SCAPER: variants seen among roughly 807,000 people sequenced by gnomAD.
SCAPER encodes the protein S phase cyclin A-associated protein in the endoplasmic reticulum.
Under a neutral mutation model 182.2 loss-of-function variants are expected in SCAPER, and 98 were observed. The ratio of observed to expected loss-of-function variants is 0.54; its 90% CI spans 0.46 to 0.64. The LOEUF (loss-of-function observed/expected upper bound fraction) is 0.64, where lower values mean the gene tolerates loss of function less well. SCAPER is among the 30% of genes least tolerant of loss of function. SCAPER has a pLI of 0.00. For missense variants in SCAPER, 1,432 were observed against 1,690.0 expected, an observed-to-expected ratio of 0.85 and a Z score of 2.68; for synonymous variants, 605 against 564.6, an observed-to-expected ratio of 1.07 and a Z score of -1.01.
intron 29 of SCAPER, among the ~76,000 whole-genome samples, chr15:76,365,886 C>T (rs1213951821): frequency 3.9e-5 from 6 of 152,140 alleles, no homozygotes; most frequent in Non-Finnish European, 7.4e-5. Flanking sequence ...CAATCGTGCA[C>T]TTATGCATCC....
At chr15:76,661,204 A>G (rs1431691057) in intron 21 of SCAPER, among the ~76,000 whole-genome samples, 2 of 152,106 alleles carry the variant, frequency 1.3e-5, no homozygotes, top group Non-Finnish European at 1.5e-5. Flanking sequence ...TGTAAAACCC[A>G]AAACTCAAAA....
intron 24 of SCAPER, among the ~76,000 whole-genome samples, chr15:76,474,602 G>C (rs550905340): frequency 6.6e-6 from 1 of 152,224 alleles, no homozygotes; most frequent in African/African-American, 2.4e-5. Context: ...AACTTTGTAT[G>C]CCTGTCATGA....
intron 8 of SCAPER, among the ~76,000 whole-genome samples, chr15:76,781,333 T>C (rs937959865): frequency 5.3e-5 from 8 of 151,714 alleles, no homozygotes; most frequent in Admixed American, 4.6e-4. Context: ...AAGACAAGAT[T>C]AGAGAAAAAA....
Position 76,604,918 on chromosome 15 carries a change from G to C in SCAPER, c.2711+16846C>G, listed in dbSNP as rs559659597. Among the ~76,000 whole-genome samples, 499 of 152,100 alleles carry C rather than the reference G, an allele frequency of 3.3e-3. 5 individuals are homozygous for C. Among genetic ancestry groups the C allele is most frequent in the African/African-American group, 0.011 (468 of 41,524 alleles). On this transcript the variant is annotated intron_variant, in intron 22 of 31. Coordinates refer to ENST00000563290, the MANE Select transcript of SCAPER (RefSeq NM_020843.4). ...CTGAAGTTGCTTATCAGCTTAAGGA[G>C]ATTTTGGGCTGAGACGATGGGGTTT...
intron 1 of SCAPER, among the ~76,000 whole-genome samples, chr15:76,891,289 T>G (rs1368020213): frequency 6.6e-6 from 1 of 152,170 alleles, no homozygotes; most frequent in African/African-American, 2.4e-5. Flanking sequence ...TCACCACTCC[T>G]ATTCAACACA....
chr15:76,748,365 T>C (rs1321056850), intron 15 of SCAPER, among the ~76,000 whole-genome samples: 1 of 152,102 alleles, frequency 6.6e-6, no homozygotes, highest in Non-Finnish European at 1.5e-5. Context: ...TAACTCAAAA[T>C]GTCTTTACAA....
intron 26 of SCAPER, among the ~76,000 whole-genome samples, chr15:76,414,417 A>G (rs1018866422): frequency 2.0e-5 from 3 of 152,114 alleles, no homozygotes; most frequent in African/African-American, 7.2e-5. Flanking sequence ...TGATCATGTC[A>G]AACTGCTGAA....
intron 5 of SCAPER, among the ~76,000 whole-genome samples, chr15:76,834,832 C>T (rs1223752696): frequency 6.6e-6 from 1 of 152,030 alleles, no homozygotes; most frequent in African/African-American, 2.4e-5. Context: ...AAACATACAA[C>T]CTGCCAAGAC....
At chr15:76,849,894 C>T (rs944815944) in intron 4 of SCAPER, among the ~76,000 whole-genome samples, 1 of 152,300 alleles carries the variant, frequency 6.6e-6, no homozygotes, top group Middle Eastern at 3.4e-3. Context: ...GAGAAACAGG[C>T]ACCTTCTTCA....
chr15:76,453,052 T>C (rs1308353891), intron 25 of SCAPER, among the ~76,000 whole-genome samples: 1 of 152,164 alleles, frequency 6.6e-6, no homozygotes, highest in Non-Finnish European at 1.5e-5. Flanking sequence ...CAGGCTGGTT[T>C]CAAACTGCTG....
chr15:76,524,689 G>GTTTGTTTTTTTTTTTTTTTTTT (rs2043058673), intron 23 of SCAPER, among the ~76,000 whole-genome samples: 5 of 50,112 alleles, frequency 1.0e-4, no homozygotes, highest in Non-Finnish European at 1.4e-4. Flanking sequence ...TTTTTGTTCT[G>GTTTGTTTTTTTTTTTTTTTTTT]TTTTTTTTTT....
At chr15:76,408,874 T>A (rs1316334735) in intron 26 of SCAPER, among the ~76,000 whole-genome samples, 2 of 152,118 alleles carry the variant, frequency 1.3e-5, no homozygotes, top group Non-Finnish European at 2.9e-5. Flanking sequence ...GAAAATGGCT[T>A]AGCTAGGTTT....
intron 21 of SCAPER, among the ~76,000 whole-genome samples, chr15:76,649,332 G>T (rs1057269798): frequency 2.6e-5 from 4 of 151,878 alleles, no homozygotes; most frequent in African/African-American, 9.7e-5. Flanking sequence ...CAGGAGGCTG[G>T]GATGGGAGGA....
intron 17 of SCAPER, among the ~76,000 whole-genome samples, chr15:76,708,071 C>T (rs954576999): frequency 6.6e-6 from 1 of 152,018 alleles, no homozygotes; most frequent in Non-Finnish European, 1.5e-5. Flanking sequence ...GGACACCCCC[C>T]CACCATACCA....
In SCAPER at chr15:76,607,237, A is replaced by G. The variant is rs556145219; in HGVS notation, c.2711+14527T>C. 3.1e-3 allele frequency among the ~76,000 whole-genome samples: 470 copies of G among 151,828 alleles called. 4 individuals carry two copies. Among genetic ancestry groups the G allele is most frequent in the African/African-American group, 0.011 (449 of 41,414 alleles). On this transcript the variant is annotated intron_variant, in intron 22 of 31. Coordinates refer to ENST00000563290, the MANE Select transcript of SCAPER (RefSeq NM_020843.4). The stretch of plus-strand genomic sequence containing the variant: ...GTGGTGACAAAATCTCTCAGCATTT[A>G]CTTGTCTGTAAAGTATTTTATTTCT...
intron 22 of SCAPER, among the ~76,000 whole-genome samples, chr15:76,584,910 A>T (rs1409135426): frequency 6.6e-6 from 1 of 152,206 alleles, no homozygotes; most frequent in Non-Finnish European, 1.5e-5. Flanking sequence ...ATACAATTTC[A>T]TCTAAAAATT....
At chr15:76,727,986 C>A (rs1169887880) in intron 17 of SCAPER, among the ~76,000 whole-genome samples, 1 of 151,938 alleles carries the variant, frequency 6.6e-6, no homozygotes, top group African/African-American at 2.4e-5. Flanking sequence ...AGTAGAAAAG[C>A]AAATTAAAAC....
At chr15:76,417,201 A>G (rs1317757863) in intron 26 of SCAPER, among the ~76,000 whole-genome samples, 1 of 145,462 alleles carries the variant, frequency 6.9e-6, no homozygotes, top group Non-Finnish European at 1.5e-5. Context: ...GGTGGAATTA[A>G]AGATAGTCTG....
chr15:76,842,170 G>A (rs2069543755), intron 4 of SCAPER, among the ~76,000 whole-genome samples: 1 of 152,106 alleles, frequency 6.6e-6, no homozygotes, highest in Non-Finnish European at 1.5e-5. Context: ...TAAAGTATAT[G>A]GGAGGATATG....
Sources: allele counts gnomAD v4.1 joint callset (sites outside exome capture counted in the v4.1 genomes callset), GRCh38; gene constraint gnomAD v4.1.1; transcripts MANE v1.5; gene names NCBI Gene and HGNC (gene_info 2026-07-23, HGNC 2026-07-21).